The following HADH variants were observed in gnomAD, a reference collection of about 807,000 sequenced individuals.
The protein encoded by HADH is hydroxyacyl-coenzyme A dehydrogenase, mitochondrial.
HADH carries 24 observed loss-of-function variants against 32.2 expected under a neutral mutation model. That is an observed-to-expected ratio of 0.75 (90% CI 0.54 to 1.05). HADH has a LOEUF of 1.05. HADH is among the 50% of genes least tolerant of loss of function. HADH has a pLI of 0.00. For synonymous variants in HADH, 139 were observed against 152.5 expected, an observed-to-expected ratio of 0.91 and a Z score of 0.65; for missense variants, 350 against 397.1, an observed-to-expected ratio of 0.88 and a Z score of 1.01.
Position 107,989,919 on chromosome 4 carries a change from G to A in HADH, c.-14G>A. ...CTGCCCGGGTCTCCTCGCTGTCGCC[G>A]CCGCTGCCACACCATGGCCTTCGTC... On this transcript the variant is annotated 5_prime_UTR_variant, in exon 1 of 8. Transcript: ENST00000309522. 1 of 1,610,430 alleles carries A rather than the reference G, an allele frequency of 6.2e-7. No homozygotes were observed. Among genetic ancestry groups the A allele is most frequent in the Non-Finnish European group, 8.5e-7 (1 of 1,179,034 alleles).
rs116434404 is a variant in HADH, at chr4:108,008,719, C to T, written c.133-1040C>T. 4.2e-3 allele frequency among the ~76,000 whole-genome samples: 637 copies of T among 152,264 alleles called. 5 individuals carry two copies. The highest frequency in any genetic ancestry group is 0.014 in the African/African-American group (578 of 41,540). ...TCGAGGTTCCAAAGCAATGGTTTTG[C>T]AGGGGGCTTCTCAGATCCTGAGGGA... On this transcript the variant is annotated intron_variant, in intron 1 of 7. Transcript: ENST00000309522.
chr4:107,989,938 C>T lies in HADH; in HGVS notation c.6C>T (p.Ala2=). 1 of 1,612,748 alleles carries T rather than the reference C, an allele frequency of 6.2e-7. No individual in the cohort carries two copies. M[A]FVTRQFMRSV... ...GTCGCCGCCGCTGCCACACCATGGC[C>T]TTCGTCACCAGGCAGTTCATGCGTT... Residue 2 remains alanine (A), a synonymous_variant, in exon 1 of 8, where the codon GCC becomes GCT. Coordinates refer to ENST00000309522, the MANE Select transcript of HADH (RefSeq NM_005327.7).
intron 6 of HADH, chr4:108,027,974 T>C: frequency 3.3e-6 from 2 of 609,056 alleles, no homozygotes; most frequent in Non-Finnish European, 2.9e-6. Context: ...CTGAGAAAGG[T>C]TTCTGGAACT....
chr4:107,991,287 T>C (rs1012849718), intron 1 of HADH, among the ~76,000 whole-genome samples: 1 of 152,234 alleles, frequency 6.6e-6, no homozygotes. Context: ...TATAGTCATC[T>C]AATTTTTCTT....
intron 6 of HADH, chr4:108,029,704 G>C (rs539112493): frequency 3.9e-5 from 6 of 152,358 alleles, no homozygotes; most frequent in Non-Finnish European, 8.8e-5. Context: ...CTGGATGACC[G>C]GGCCTCTGCC....
chr4:108,004,119 CAGTG>C (rs527789708), intron 1 of HADH, among the ~76,000 whole-genome samples: 159 of 152,268 alleles, frequency 1.0e-3, no homozygotes, highest in Middle Eastern at 3.4e-3. Context: ...CACGTGTAGA[CAGTG>C]AGAATAATGT....
chr4:108,031,502 G>C (rs1578267018), intron 6 of HADH: 3 of 152,216 alleles, frequency 2.0e-5, no homozygotes, highest in Non-Finnish European at 4.4e-5. Flanking sequence ...AAGCTTCATA[G>C]CCACACCCCA....
chr4:108,002,772 A>G (rs1342973730), intron 1 of HADH, among the ~76,000 whole-genome samples: 1 of 152,238 alleles, frequency 6.6e-6, no homozygotes. Context: ...TCTGTTGTTT[A>G]TACATTACCC....
intron 1 of HADH, among the ~76,000 whole-genome samples, chr4:108,006,960 T>C (rs1345924380): frequency 6.6e-6 from 1 of 152,216 alleles, no homozygotes; most frequent in Non-Finnish European, 1.5e-5. Context: ...ATCTATAAAA[T>C]GGATTAGGGT....
chr4:108,023,473 G>C lies in HADH; in HGVS notation c.547-1G>C. The stretch of plus-strand genomic sequence containing the variant: ...CATAATTCTCTGCTTTGCATTTCCA[G>C]GTCATTAAAACACCAATGACCAGCC... On this transcript the variant is annotated splice_acceptor_variant, in intron 4 of 7. Transcript: ENST00000309522. LOFTEE classifies it high-confidence loss of function. 1 of 1,592,364 alleles carries C rather than the reference G, an allele frequency of 6.3e-7. No individual in the cohort carries two copies. Among genetic ancestry groups the C allele is most frequent in the Non-Finnish European group, 8.6e-7 (1 of 1,160,188 alleles).
At chr4:108,012,151 C>T (rs1735519641) in intron 2 of HADH, among the ~76,000 whole-genome samples, 1 of 151,970 alleles carries the variant, frequency 6.6e-6, no homozygotes, top group Non-Finnish European at 1.5e-5. Flanking sequence ...CCCACCTTGG[C>T]CACTCAAAGT....
intron 3 of HADH, among the ~76,000 whole-genome samples, chr4:108,018,543 T>TA (rs1735770363): frequency 6.6e-6 from 1 of 152,184 alleles, no homozygotes; most frequent in Non-Finnish European, 1.5e-5. Context: ...CTACCCACAC[T>TA]GGTCTCGCCT....
chr4:108,032,883 G>A (rs1427475125), intron 6 of HADH: 5 of 409,880 alleles, frequency 1.2e-5, no homozygotes, highest in African/African-American at 2.1e-5. Flanking sequence ...TAGGGAGGCT[G>A]AGGCAGGAGA....
intron 3 of HADH, 25 bp from the exon 4 acceptor site, chr4:108,019,515 C>T (rs1276660936): frequency 1.2e-6 from 2 of 1,607,630 alleles, no homozygotes; most frequent in East Asian, 2.2e-5. Flanking sequence ...CACTCTGATA[C>T]TCCCACTATA....
chr4:108,032,975 C>T (rs566559763), intron 6 of HADH: 1 of 582,108 alleles, frequency 1.7e-6, no homozygotes, highest in Admixed American at 2.7e-5. Context: ...GAGCAAGACT[C>T]TGTCTCAAAA....
At chr4:107,995,159 A>T (rs539391620) in intron 1 of HADH, among the ~76,000 whole-genome samples, 34 of 152,106 alleles carry the variant, frequency 2.2e-4, no homozygotes, top group African/African-American at 7.0e-4. Context: ...TATATTCATG[A>T]TGTTATTATT....
Position 108,033,188 on chromosome 4 carries a change from A to G in HADH, c.722A>G (p.Lys241Arg). 3 of 1,592,488 alleles carry G rather than the reference A, an allele frequency of 1.9e-6. No homozygotes were observed. The highest frequency in any genetic ancestry group is 2.6e-6 in the Non-Finnish European group (3 of 1,160,362). Residue 241 changes from lysine to arginine, a missense_variant, in exon 7 of 8, where the codon AAA (lysine) becomes AGA (arginine). Physicochemically the swap from Lys to Arg is conservative, Grantham distance 26 (BLOSUM62 2). Coordinates refer to ENST00000309522, the MANE Select transcript of HADH (RefSeq NM_005327.7). ...IRLYERGDAS[K>R]EDIDTAMKLG... Reference sequence around the variant, plus strand: ...GTTTTCTCCTTAGGTGACGCATCCAAAGAAGACATTGACACTGCTATGAAA... The same window carrying G: ...GTTTTCTCCTTAGGTGACGCATCCAGAGAAGACATTGACACTGCTATGAAA...
intron 1 of HADH, among the ~76,000 whole-genome samples, chr4:107,997,811 G>A (rs1248284214): frequency 1.3e-5 from 2 of 152,136 alleles, no homozygotes; most frequent in East Asian, 3.9e-4. Context: ...AATAACAGAT[G>A]TCTATGAAAG....
chr4:107,990,735 G>GTC (rs1289258166), intron 1 of HADH, among the ~76,000 whole-genome samples: 53 of 146,618 alleles, frequency 3.6e-4, no homozygotes, highest in African/African-American at 1.2e-3. Context: ...AGCGGAATAA[G>GTC]TCTCTCTCTT....
Sources: gnomAD v4.1 joint callset for allele counts (sites outside exome capture counted in the v4.1 genomes callset) on GRCh38, gnomAD v4.1.1 for gene constraint, MANE v1.5 for transcripts, NCBI Gene and HGNC (gene_info 2026-07-23, HGNC 2026-07-21) for gene names.